Variants in NBAS observed in about 807,000 individuals in gnomAD.
NBAS encodes the protein NBAS subunit of NRZ tethering complex.
A neutral mutation model predicts 302.5 loss-of-function variants in NBAS; 219 were observed. That is an observed-to-expected ratio of 0.72 (90% CI 0.65 to 0.81). The LOEUF is 0.81. NBAS is among the 30% of genes least tolerant of loss of function. NBAS has a pLI of 0.00. For synonymous variants in NBAS, 1,118 were observed against 1,021.6 expected (o/e 1.09, Z -1.80); for missense variants, 2,932 against 2,841.6 (o/e 1.03, Z -0.72).
chr2:15,016,303 C>A, the NBAS span, among the ~76,000 whole-genome samples: 1 of 152,092 alleles, frequency 6.6e-6, no homozygotes, highest in Admixed American at 6.6e-5. Flanking sequence ...AGAAAACACC[C>A]CCATGATTCA....
chr2:15,057,629 T>C, the NBAS span, among the ~76,000 whole-genome samples: 1 of 152,284 alleles, frequency 6.6e-6, no homozygotes, highest in Admixed American at 6.5e-5. Flanking sequence ...TCTTATGCCT[T>C]TGCGTCCTCA....
At chr2:15,561,100 C>A in intron 1 of NBAS, 88 bp downstream of exon 1, 12 of 1,011,448 alleles carry the variant, frequency 1.2e-5, no homozygotes, top group East Asian at 3.0e-5. Flanking sequence ...CCACCCGTCT[C>A]CACTCCCCTA....
At chr2:15,506,873 C>A (rs1365064381) in intron 10 of NBAS, among the ~76,000 whole-genome samples, 4 of 152,156 alleles carry the variant, frequency 2.6e-5, no homozygotes, top group Admixed American at 1.3e-4. Context: ...ACGAAGAAAA[C>A]AAACTCGTAA....
chr2:14,808,523 C>A, the NBAS span, among the ~76,000 whole-genome samples: 1 of 152,154 alleles, frequency 6.6e-6, no homozygotes, highest in African/African-American at 2.4e-5. Context: ...GGGAGTTTCC[C>A]TGCACAAGCT....
At chr2:15,285,399 T>C (rs1043976842) in intron 42 of NBAS, among the ~76,000 whole-genome samples, 8 of 152,150 alleles carry the variant, frequency 5.3e-5, no homozygotes, top group Non-Finnish European at 4.4e-5. Context: ...TTTCTGACCC[T>C]TTTGTTAGCA....
chr2:14,832,538 C>T, the NBAS span, among the ~76,000 whole-genome samples: 6,394 of 152,176 alleles, frequency 0.042, 163 homozygotes, highest in Non-Finnish European at 0.055. Context: ...TCCTCCTACT[C>T]TCTGTGCCAT....
chr2:15,027,812 T>C, the NBAS span, among the ~76,000 whole-genome samples: 1 of 152,188 alleles, frequency 6.6e-6, no homozygotes, highest in African/African-American at 2.4e-5. Flanking sequence ...TTTACGTAGT[T>C]TTATTTGATC....
intron 11 of NBAS, among the ~76,000 whole-genome samples, chr2:15,490,890 G>A (rs1680827447): frequency 6.6e-6 from 1 of 152,096 alleles, no homozygotes; most frequent in Non-Finnish European, 1.5e-5. Context: ...AGTCATGTGT[G>A]ATCTGTACGG....
intron 31 of NBAS, among the ~76,000 whole-genome samples, chr2:15,367,712 C>T (rs1674278412): frequency 6.6e-6 from 1 of 152,114 alleles, no homozygotes; most frequent in South Asian, 2.1e-4. Flanking sequence ...AAAACTTCTA[C>T]ATAGGTGAGA....
intron 48 of NBAS, among the ~76,000 whole-genome samples, chr2:15,215,021 A>G (rs1474693998): frequency 6.6e-6 from 1 of 152,176 alleles, no homozygotes; most frequent in African/African-American, 2.4e-5. Flanking sequence ...TTTTTTCTAA[A>G]GGAATTAACC....
chr2:15,269,274 C>T (rs1372248863), intron 44 of NBAS, among the ~76,000 whole-genome samples: 1 of 152,180 alleles, frequency 6.6e-6, no homozygotes, highest in South Asian at 2.1e-4. Context: ...TATGGATGGA[C>T]GGATACATTG....
Position 15,238,532 on chromosome 2 carries a change from T to C in NBAS, c.5879A>G (p.Lys1960Arg). 1 of 1,614,222 alleles carries C rather than the reference T, an allele frequency of 6.2e-7. No homozygotes were observed. Among genetic ancestry groups the C allele is most frequent in the South Asian group, 1.1e-5 (1 of 91,088 alleles). Reference protein sequence around the residue: ...TYADTLNHLEKSLAHLETLSH... With the variant: ...TYADTLNHLERSLAHLETLSH... ...CAGGGTTTCCAGGTGGGCAAGTGAT[T>C]TCTCCAGATGATTCAAAGTATCTGC... Residue 1960 changes from lysine (K) to arginine (R), a missense_variant, in exon 45 of 52, where the codon AAA (lysine) becomes AGA (arginine). Coordinates refer to ENST00000281513, the MANE Select transcript of NBAS (RefSeq NM_015909.4).
chr2:15,118,691 G>A, the NBAS span, among the ~76,000 whole-genome samples: 1 of 152,114 alleles, frequency 6.6e-6, no homozygotes, highest in Non-Finnish European at 1.5e-5. Flanking sequence ...AAGAGACACC[G>A]TGTCCTGGCT....
At chr2:15,270,456 C>A (rs1470672279) in intron 44 of NBAS, among the ~76,000 whole-genome samples, 1 of 152,132 alleles carries the variant, frequency 6.6e-6, no homozygotes, top group Non-Finnish European at 1.5e-5. Flanking sequence ...AGCCACCATG[C>A]CCAGCCTGTC....
chr2:14,823,297 G>C, the NBAS span, among the ~76,000 whole-genome samples: 2 of 152,116 alleles, frequency 1.3e-5, no homozygotes, highest in South Asian at 4.2e-4. Context: ...TCATAATCTC[G>C]TTTACATGAT....
chr2:15,453,928 G>A (rs1211932325), intron 21 of NBAS, among the ~76,000 whole-genome samples: 2 of 151,974 alleles, frequency 1.3e-5, no homozygotes, highest in African/African-American at 2.4e-5. Context: ...ATAGCTGTGC[G>A]CCACCACGCC....
the NBAS span, among the ~76,000 whole-genome samples, chr2:15,015,683 T>C: frequency 2.4e-4 from 36 of 152,128 alleles, no homozygotes; most frequent in African/African-American, 8.2e-4. Flanking sequence ...GCTAACATCA[T>C]GCTTGATAGG....
At chr2:15,560,960 C>A (rs1330673013) in intron 1 of NBAS, among the ~76,000 whole-genome samples, 1 of 152,160 alleles carries the variant, frequency 6.6e-6, no homozygotes, top group Non-Finnish European at 1.5e-5. Flanking sequence ...GAAGTTCCAG[C>A]CCCCAACAAC....
chr2:15,316,032 T>C (rs947110641), intron 38 of NBAS, among the ~76,000 whole-genome samples: 2 of 152,148 alleles, frequency 1.3e-5, no homozygotes, highest in Admixed American at 1.3e-4. Flanking sequence ...GGTAAGTAAG[T>C]TTCACTGGGA....
Sources: allele counts gnomAD v4.1 joint callset (sites outside exome capture counted in the v4.1 genomes callset), GRCh38; gene constraint gnomAD v4.1.1; transcripts MANE v1.5; gene names NCBI Gene and HGNC (gene_info 2026-07-23, HGNC 2026-07-21).